ATP8A2: variants seen among roughly 807,000 people sequenced by gnomAD.
ATP8A2 encodes the protein phospholipid-transporting ATPase IB.
In ATP8A2, 100 loss-of-function variants were observed where a neutral mutation model predicts 165.6. The ratio of observed to expected loss-of-function variants is 0.60; its 90% confidence interval spans 0.51 to 0.71. The LOEUF (loss-of-function observed/expected upper bound fraction) is 0.71. ATP8A2 is among the 30% of genes least tolerant of loss of function. ATP8A2 has a pLI of 0.00. For synonymous variants in ATP8A2, 543 were observed against 548.8 expected, an observed-to-expected ratio of 0.99 and a Z score of 0.15; for missense variants, 1,227 against 1,479.5, an observed-to-expected ratio of 0.83 and a Z score of 2.80.
intron 36 of ATP8A2, among the ~76,000 whole-genome samples, chr13:26,013,349 C>T (rs1309547502): frequency 6.6e-6 from 1 of 152,130 alleles, no homozygotes; most frequent in African/African-American, 2.4e-5. Flanking sequence ...CTTTCCCTTC[C>T]GGAGGAGTTT....
chr13:25,643,353 G>A (rs4769434), intron 24 of ATP8A2, among the ~76,000 whole-genome samples: 86,403 of 151,878 alleles, frequency 0.57, 24,888 homozygotes, highest in East Asian at 0.86. Flanking sequence ...TCTGTTGATG[G>A]ACATTTGGGT....
chr13:25,552,915 A>G (rs1485004668), intron 11 of ATP8A2, among the ~76,000 whole-genome samples: 1 of 152,006 alleles, frequency 6.6e-6, no homozygotes, highest in Non-Finnish European at 1.5e-5. Context: ...TTGGAATCAG[A>G]CTACCACCAT....
intron 8 of ATP8A2, among the ~76,000 whole-genome samples, 169 bp downstream of exon 8, chr13:25,540,557 T>C (rs945550901): frequency 3.3e-5 from 5 of 152,156 alleles, no homozygotes; most frequent in Non-Finnish European, 5.9e-5. Context: ...AGAATGTGTC[T>C]CGAAAAAGTA....
At chr13:25,707,026 G>A (rs542346634) in intron 25 of ATP8A2, among the ~76,000 whole-genome samples, 1 of 152,132 alleles carries the variant, frequency 6.6e-6, no homozygotes, top group Admixed American at 6.5e-5. Context: ...ATTTCTCAAA[G>A]CCCAAAGCTT....
intron 1 of ATP8A2, among the ~76,000 whole-genome samples, chr13:25,418,899 C>G (rs1468395702): frequency 6.6e-6 from 1 of 152,058 alleles, no homozygotes; most frequent in Non-Finnish European, 1.5e-5. Context: ...TTGGGCTGCT[C>G]TGAGATTTCT....
chr13:25,908,083 A>G (rs1478738100), intron 33 of ATP8A2, among the ~76,000 whole-genome samples: 1 of 152,214 alleles, frequency 6.6e-6, no homozygotes, highest in Non-Finnish European at 1.5e-5. Context: ...CTAGCAGACT[A>G]TCAAAATTGA....
chr13:25,494,355 T>C (rs991468517), intron 2 of ATP8A2, among the ~76,000 whole-genome samples: 6 of 151,922 alleles, frequency 3.9e-5, no homozygotes, highest in Non-Finnish European at 8.8e-5. Context: ...GCGGTGGGGG[T>C]AGTTGGAGGG....
At chr13:25,595,782 C>T (rs1422295907) in intron 24 of ATP8A2, among the ~76,000 whole-genome samples, 1 of 152,168 alleles carries the variant, frequency 6.6e-6, no homozygotes, top group Non-Finnish European at 1.5e-5. Flanking sequence ...ATACATGGTG[C>T]TCCAGCATGA....
chr13:25,735,397 C>T lies in ATP8A2; in HGVS notation c.2385-33649C>T, dbSNP rs1215026782. The stretch of plus-strand genomic sequence containing the variant: ...ACTTCAGCCTCTCAATTAGCTGGGA[C>T]CACAGGAGAGCACCACCACGCCTGG... On this transcript the variant is annotated intron_variant, in intron 25 of 36. Transcript: ENST00000381655. 2.0e-5 allele frequency among the ~76,000 whole-genome samples: 3 copies of T among 151,924 alleles called. No individual in the cohort carries two copies. In the East Asian group the frequency reaches 5.8e-4, roughly 29 times the overall value.
At chr13:25,538,572 T>C (rs73170562) in intron 7 of ATP8A2, among the ~76,000 whole-genome samples, 2,814 of 152,266 alleles carry the variant, frequency 0.018, 38 homozygotes, top group Non-Finnish European at 0.033. Flanking sequence ...ATTTTCATAT[T>C]CTCTAGGTAG....
intron 33 of ATP8A2, among the ~76,000 whole-genome samples, chr13:25,877,769 A>G (rs956731804): frequency 6.6e-6 from 1 of 152,288 alleles, no homozygotes. Context: ...CAAAATCACC[A>G]TTGCAGTTAA....
At chr13:25,891,536 T>C (rs1485408766) in intron 33 of ATP8A2, among the ~76,000 whole-genome samples, 1 of 152,198 alleles carries the variant, frequency 6.6e-6, no homozygotes, top group Non-Finnish European at 1.5e-5. Context: ...TTGGCCAGGC[T>C]GGTCTCGAAC....
chr13:25,681,569 C>T (rs748409746), intron 24 of ATP8A2, among the ~76,000 whole-genome samples: 1 of 152,122 alleles, frequency 6.6e-6, no homozygotes, highest in East Asian at 1.9e-4. Context: ...TGGTCCGAGA[C>T]GTCTCCAGGC....
At chr13:25,713,059 G>A (rs1365641866) in intron 25 of ATP8A2, among the ~76,000 whole-genome samples, 2 of 152,154 alleles carry the variant, frequency 1.3e-5, no homozygotes, top group East Asian at 3.8e-4. Flanking sequence ...CTCAGTTTAA[G>A]TTTAGCAATT....
At chr13:25,995,209 C>CT (rs908927221) in intron 35 of ATP8A2, among the ~76,000 whole-genome samples, 32 of 146,960 alleles carry the variant, frequency 2.2e-4, no homozygotes, top group African/African-American at 6.0e-4. Context: ...TGTGTCTTCT[C>CT]TTTTTTTTTT....
chr13:25,565,093 GTATATGTGTATATAT>G (rs1217715354), intron 16 of ATP8A2, among the ~76,000 whole-genome samples: 1 of 151,994 alleles, frequency 6.6e-6, no homozygotes, highest in Non-Finnish European at 1.5e-5. Flanking sequence ...TTATATGTAT[GTATATGTGTATATAT>G]TATATATGTA....
chr13:25,590,656 G>A (rs990940924), intron 24 of ATP8A2, among the ~76,000 whole-genome samples: 1 of 152,056 alleles, frequency 6.6e-6, no homozygotes, highest in Admixed American at 6.5e-5. Flanking sequence ...TTTGTTACTG[G>A]CAGGCACCCA....
intron 1 of ATP8A2, among the ~76,000 whole-genome samples, chr13:25,379,423 T>C (rs1027367642): frequency 6.6e-6 from 1 of 152,250 alleles, no homozygotes; most frequent in African/African-American, 2.4e-5. Flanking sequence ...AGTTGCTTTT[T>C]TCACGGTCAT....
chr13:25,638,033 T>A (rs1302253639), intron 24 of ATP8A2, among the ~76,000 whole-genome samples: 1 of 152,158 alleles, frequency 6.6e-6, no homozygotes, highest in African/African-American at 2.4e-5. Context: ...CCAACAGACC[T>A]GCAGCTGAGG....
Sources: gnomAD v4.1 joint callset for allele counts (sites outside exome capture counted in the v4.1 genomes callset) on GRCh38, gnomAD v4.1.1 for gene constraint, MANE v1.5 for transcripts, NCBI Gene and HGNC (gene_info 2026-07-23, HGNC 2026-07-21) for gene names.